The following KLHL5 variants were observed in gnomAD, a reference collection of about 807,000 sequenced individuals.
KLHL5 encodes kelch like family member 5.
KLHL5 carries 48 observed loss-of-function variants against 77.7 expected under a neutral mutation model. The observed-to-expected ratio is 0.62, with a 90% CI of 0.49 to 0.79. The LOEUF (loss-of-function observed/expected upper bound fraction) is 0.79, where lower values mean the gene tolerates loss of function less well. Among genes scored for constraint, KLHL5 ranks in the 30% least tolerant of loss-of-function variants. The probability of loss-of-function intolerance (pLI) is 0.00; values close to 1 mark genes in which losing one functional copy is unlikely to be tolerated. For synonymous variants in KLHL5, 260 were observed against 297.0 expected, an observed-to-expected ratio of 0.88 and a Z score of 1.28; for missense variants, 723 against 859.7, an observed-to-expected ratio of 0.84 and a Z score of 1.99.
At chr4:39,063,672 G>A in intron 1 of KLHL5, 2 of 377,348 alleles carry the variant, frequency 5.3e-6, no homozygotes, top group Non-Finnish European at 1.1e-5. Flanking sequence ...GCTATTTAGG[G>A]AAATGAAGGA....
intron 5 of KLHL5, chr4:39,093,452 C>T: frequency 2.2e-6 from 1 of 455,858 alleles, no homozygotes; most frequent in South Asian, 1.6e-5. Context: ...TACTACAAAT[C>T]ATTGAATTGT....
At chr4:39,094,440 TAATA>T (rs1412579066) in intron 5 of KLHL5, among the ~76,000 whole-genome samples, 2 of 151,260 alleles carry the variant, frequency 1.3e-5, no homozygotes, top group East Asian at 3.9e-4. Flanking sequence ...TAAATTTAAT[TAATA>T]AATAAATTTA....
intron 1 of KLHL5, among the ~76,000 whole-genome samples, chr4:39,075,712 C>T (rs1261118380): frequency 2.6e-5 from 4 of 152,052 alleles, no homozygotes; most frequent in Non-Finnish European, 5.9e-5. Flanking sequence ...AAAGACCTCA[C>T]AAAAAGATAC....
chr4:39,050,946 G>T lies in KLHL5; in HGVS notation c.-95+5850G>T, dbSNP rs573430500. Among the ~76,000 whole-genome samples the T allele has an allele frequency of 2.0e-5, 3 of 152,260 alleles. No individual in the cohort carries two copies. The South Asian group carries it at 6.2e-4, about 32-fold the overall frequency. ...ATCCATCCCTTCTTCCTCTCCCAGG[G>T]TAAGGATTGACTGAATTGTCTAACT... On this transcript the variant is annotated intron_variant, in intron 1 of 11. Coordinates refer to the KLHL5 transcript ENST00000261425.
chr4:39,045,121 T>C, intron 1 of KLHL5: 1 of 984,196 alleles, frequency 1.0e-6, no homozygotes, highest in Non-Finnish European at 1.2e-6. Flanking sequence ...CTTCTCGGCA[T>C]CGGGGAGGGG....
At chr4:39,057,519 T>G (rs1717085139), upstream of KLHL5, among the ~76,000 whole-genome samples, 1 of 152,166 alleles carries the variant, frequency 6.6e-6, no homozygotes, top group African/African-American at 2.4e-5. Flanking sequence ...TTTTTAAGTG[T>G]TAGGGAATTT....
At chr4:39,045,902 T>C (rs1440178889) in intron 1 of KLHL5, among the ~76,000 whole-genome samples, 1 of 148,880 alleles carries the variant, frequency 6.7e-6, no homozygotes, top group Non-Finnish European at 1.5e-5. Context: ...TCCTGCTTGC[T>C]TTGAAAAATG....
chr4:39,128,459 G>A (rs948659058), downstream of KLHL5, among the ~76,000 whole-genome samples: 1 of 152,078 alleles, frequency 6.6e-6, no homozygotes, highest in Non-Finnish European at 1.5e-5. Context: ...CAGGCTGGCT[G>A]CAGTGTGGAA....
chr4:39,089,215 A>G (rs903329050), intron 5 of KLHL5, among the ~76,000 whole-genome samples: 1 of 152,186 alleles, frequency 6.6e-6, no homozygotes, highest in South Asian at 2.1e-4. Flanking sequence ...TATGAGGTCA[A>G]ATTGACAAAA....
chr4:39,079,388 T>C (rs1719400699), intron 2 of KLHL5, among the ~76,000 whole-genome samples: 1 of 152,232 alleles, frequency 6.6e-6, no homozygotes, highest in South Asian at 2.1e-4. Flanking sequence ...ATCTCTCTAG[T>C]ATTGTCCTAT....
chr4:39,069,418 C>T (rs1718196378), intron 1 of KLHL5, among the ~76,000 whole-genome samples: 2 of 134,926 alleles, frequency 1.5e-5, no homozygotes, highest in African/African-American at 2.8e-5. Context: ...TGAATTTTTC[C>T]CTATTAACAT....
At chr4:39,076,436 C>G (rs1719047963) in intron 2 of KLHL5, among the ~76,000 whole-genome samples, 1 of 152,000 alleles carries the variant, frequency 6.6e-6, no homozygotes, top group Admixed American at 6.6e-5. Context: ...CATATTCTAC[C>G]TATTAAATAC....
intron 1 of KLHL5, among the ~76,000 whole-genome samples, chr4:39,046,691 G>A (rs1716219861): frequency 1.3e-5 from 2 of 152,200 alleles, no homozygotes; most frequent in South Asian, 2.1e-4. Context: ...GGCCTGAGAG[G>A]CGTATTTTCC....
intron 2 of KLHL5, among the ~76,000 whole-genome samples, chr4:39,078,673 C>T (rs1423788528): frequency 1.3e-5 from 2 of 151,960 alleles, no homozygotes; most frequent in East Asian, 1.9e-4. Context: ...CCAGCCTGGG[C>T]GTGGAGACAG....
At chr4:39,130,563 T>G (rs998445549), downstream of KLHL5, among the ~76,000 whole-genome samples, 1 of 152,124 alleles carries the variant, frequency 6.6e-6, no homozygotes, top group Non-Finnish European at 1.5e-5. Context: ...CTCAAAGAAT[T>G]TTAAAATACA....
At chr4:39,061,304 TAG>T (rs1325432561), upstream of KLHL5, among the ~76,000 whole-genome samples, 1 of 152,236 alleles carries the variant, frequency 6.6e-6, no homozygotes, top group African/African-American at 2.4e-5. Context: ...TTGGTCAGCT[TAG>T]ATAGGCATTG....
At chr4:39,065,087 T>G (rs1717768298) in intron 1 of KLHL5, among the ~76,000 whole-genome samples, 1 of 152,336 alleles carries the variant, frequency 6.6e-6, no homozygotes, top group East Asian at 1.9e-4. Flanking sequence ...TTCAATCTTC[T>G]TATTGCAAAT....
chr4:39,107,308 A>G, intron 7 of KLHL5, among the ~76,000 whole-genome samples: 1 of 152,080 alleles, frequency 6.6e-6, no homozygotes, highest in East Asian at 1.9e-4. Context: ...TGGGACTCCC[A>G]AACCGCTGAG....
chr4:39,079,526 T>C (rs1168376341), intron 2 of KLHL5, among the ~76,000 whole-genome samples: 2 of 152,184 alleles, frequency 1.3e-5, no homozygotes, highest in East Asian at 3.8e-4. Flanking sequence ...TATTTCCAGA[T>C]ACCTGCATGA....
Sources: allele counts gnomAD v4.1 joint callset (sites outside exome capture counted in the v4.1 genomes callset), GRCh38; gene constraint gnomAD v4.1.1; transcripts MANE v1.5; gene names NCBI Gene and HGNC (gene_info 2026-07-23, HGNC 2026-07-21).